PDZD7: variants seen among roughly 807,000 people sequenced by gnomAD.
The protein encoded by PDZD7 is PDZ domain-containing protein 7.
A neutral mutation model predicts 84.7 loss-of-function variants in PDZD7; 72 were observed. The ratio of observed to expected loss-of-function variants is 0.85; its 90% confidence interval spans 0.70 to 1.03. PDZD7 has a LOEUF of 1.03. PDZD7 is among the 50% of genes least tolerant of loss of function. The probability of loss-of-function intolerance (pLI) is 0.00; values close to 1 mark genes in which losing one functional copy is unlikely to be tolerated. For missense variants in PDZD7, 1,490 were observed against 1,412.9 expected (o/e 1.05, Z -0.87); for synonymous variants, 594 against 580.7 (o/e 1.02, Z -0.33).
At chr10:101,027,710 G>A (rs534583042) in intron 2 of PDZD7, among the ~76,000 whole-genome samples, 5 of 152,218 alleles carry the variant, frequency 3.3e-5, no homozygotes, top group African/African-American at 7.2e-5. Context: ...ATCCTTTGTC[G>A]TCGTTCGCTT....
intron 14 of PDZD7, chr10:101,011,197 A>C: frequency 1.8e-6 from 1 of 556,626 alleles, no homozygotes; most frequent in Non-Finnish European, 2.8e-6. Flanking sequence ...GTGCACCAAA[A>C]AGCCCAGGTC....
At chr10:101,019,793 T>C (rs1852972732) in intron 7 of PDZD7, among the ~76,000 whole-genome samples, 1 of 151,712 alleles carries the variant, frequency 6.6e-6, no homozygotes, top group Non-Finnish European at 1.5e-5. Flanking sequence ...ACCCAGCTAA[T>C]TTTTGTATTT....
In PDZD7 at chr10:101,023,968, C is replaced by T. The variant is rs1853277357; in HGVS notation, c.327G>A (p.Leu109=). ...FSVRGGSEHG[L]GIFVSKVEEG... ...CCTCCACTTTGCTGACGAAGATGCC[C>T]AGGCCATGCTCTGAGCCCCCGCGCA... The change falls in exon 3 of 17, where the codon CTG becomes CTA. Residue 109 remains leucine, a synonymous_variant. Transcript: ENST00000619208. 6 of 1,614,250 alleles carry T rather than the reference C, an allele frequency of 3.7e-6. No individual in the cohort carries two copies. The highest frequency in any genetic ancestry group is 5.1e-6 in the Non-Finnish European group (6 of 1,180,044).
chr10:101,022,604 T>C (rs1248716092), intron 4 of PDZD7, among the ~76,000 whole-genome samples: 2 of 151,938 alleles, frequency 1.3e-5, no homozygotes, highest in African/African-American at 4.8e-5. Context: ...TCCTTTTTTT[T>C]TTTTTTTTGA....
At chr10:101,011,822 A>G (rs993338102) in intron 13 of PDZD7, 61 bp from the exon 14 acceptor site, 16 of 1,550,322 alleles carry the variant, frequency 1.0e-5, no homozygotes, top group Non-Finnish European at 1.4e-5. Context: ...GGACGGAGGC[A>G]GCTCAAGGGG....
chr10:101,024,317 C>T (rs969893306), intron 2 of PDZD7, among the ~76,000 whole-genome samples: 2 of 152,132 alleles, frequency 1.3e-5, no homozygotes, highest in African/African-American at 4.8e-5. Flanking sequence ...GATCATGGCT[C>T]ACTGCAGCCA....
At position 101,008,690 on chromosome 10, in the gene PDZD7, T is replaced by A. The variant is rs892568577; in HGVS notation, c.2879A>T (p.Asp960Val). Reference sequence around the variant, plus strand: ...GCCCCCATCAGTAAGGGCTGATGAGTCAGAGGGTGAGGGCCGTGGGCTGGG... The same window carrying A: ...GCCCCCATCAGTAAGGGCTGATGAGACAGAGGGTGAGGGCCGTGGGCTGGG... Reference protein sequence around the residue: ...PGPSPRPSPSDSSALTDGGLP... With the variant: ...PGPSPRPSPSVSSALTDGGLP... The change falls in exon 17 of 17, where the codon GAC becomes GTC. Residue 960 changes from aspartate to valine, a missense_variant. By Grantham distance (152) the Asp-to-Val change is radical. Transcript: ENST00000619208. 1 of 1,535,718 alleles carries A rather than the reference T, an allele frequency of 6.5e-7. No individual in the cohort carries two copies. Among genetic ancestry groups the A allele is most frequent in the South Asian group, 1.2e-5 (1 of 84,036 alleles).
At chr10:101,008,973 G>T in intron 16 of PDZD7, 123 bp from the exon 17 acceptor site, 1 of 1,262,360 alleles carries the variant, frequency 7.9e-7, no homozygotes, top group Non-Finnish European at 1.1e-6. Context: ...CTGGGTGGAG[G>T]GGATGGACAA....
intron 6 of PDZD7, 61 bp downstream of exon 6, chr10:101,021,737 G>A: frequency 3.1e-6 from 5 of 1,610,222 alleles, no homozygotes; most frequent in East Asian, 2.2e-5. Flanking sequence ...TTAAGAACTA[G>A]GGTGGTCTGG....
In PDZD7 at chr10:101,023,740, G is replaced by C; in HGVS notation, c.368-130C>G. 3 of 1,416,234 alleles carry C rather than the reference G, an allele frequency of 2.1e-6. No homozygotes were observed. In the South Asian group the frequency reaches 3.6e-5, roughly 17 times the overall value. 87.7% of individuals were successfully genotyped at this position (1,416,234 alleles called of 1,614,324 possible). A position where few individuals can be genotyped will look rare whatever the true frequency, so the allele number is the denominator to read the frequency against. ...TGAGGATTGTCAGAGCAGGGGCTGA[G>C]TGTTCCCAGTGCCTAGGGATCTGTC... is the stretch of plus-strand genomic sequence containing the variant. On this transcript the variant is annotated intron_variant, in intron 3 of 16. Transcript: ENST00000619208.
chr10:101,010,887 G>C lies in PDZD7; in HGVS notation c.2006-4C>G. On this transcript the variant is annotated splice_polypyrimidine_tract_variant and splice_region_variant and intron_variant, in intron 14 of 16. Transcript: ENST00000619208. ...AGGTAGAAGCCTCCGCGGCTGTCTGGGGAAGAGCGCCAAGGTCAGCTGCCC... is the reference window on the plus strand; with the variant it reads ...AGGTAGAAGCCTCCGCGGCTGTCTGCGGAAGAGCGCCAAGGTCAGCTGCCC... 7.8e-6 allele frequency: 12 copies of C among 1,533,146 alleles called. No individual in the cohort carries two copies. The highest frequency in any genetic ancestry group is 1.0e-5 in the Non-Finnish European group (12 of 1,146,742). The allele number at this position is 1,533,146 out of a possible 1,614,324, so 95.0% of individuals were successfully genotyped here. A position where few individuals can be genotyped will look rare whatever the true frequency, so the allele number is the denominator to read the frequency against.
At chr10:101,010,224 C>T (rs778790667) in intron 15 of PDZD7, 48 bp downstream of exon 15, 29 of 1,477,060 alleles carry the variant, frequency 2.0e-5, no homozygotes, top group Non-Finnish European at 2.5e-5. Context: ...TTTCCTAGGC[C>T]CAGGCTTCCT....
At chr10:101,012,581 G>A (rs1564628764) in intron 11 of PDZD7, among the ~76,000 whole-genome samples, 1 of 44,544 alleles carries the variant, frequency 2.2e-5, no homozygotes, top group Non-Finnish European at 5.3e-5. Flanking sequence ...CCGTTTTACA[G>A]ATGCGGAAAC....
At chr10:101,011,016 C>T (rs888658985) in intron 14 of PDZD7, 133 bp from the exon 15 acceptor site, 2 of 1,479,404 alleles carry the variant, frequency 1.4e-6, no homozygotes, top group Admixed American at 2.3e-5. Context: ...GCCCACCCAC[C>T]GGGGAGGCAG....
intron 4 of PDZD7, among the ~76,000 whole-genome samples, chr10:101,022,600 T>TA (rs965398045): frequency 6.6e-6 from 1 of 151,306 alleles, no homozygotes; most frequent in African/African-American, 2.4e-5. Context: ...CCATTCCTTT[T>TA]TTTTTTTTTT....
At position 101,018,858 on chromosome 10, in the gene PDZD7, G is replaced by A; in HGVS notation, c.1288C>T (p.Pro430Ser). The A allele has an allele frequency of 6.2e-7, 1 of 1,603,536 alleles. No homozygotes were observed. Among genetic ancestry groups the A allele is most frequent in the Non-Finnish European group, 8.5e-7 (1 of 1,174,902 alleles). Residue 430 changes from proline to serine, a missense_variant, in exon 8 of 17, where the codon CCC becomes TCC. Transcript: ENST00000619208. ...LLLALSRPRP[P>S]ITRSQSYLTL... ...AGATAGCTCTGGGAGCGCGTGATGG[G>A]GGGCCGGGGTCGGCTGAGGGCCAGC...
chr10:101,011,207 C>A (rs1224556084), intron 14 of PDZD7: 8 of 540,640 alleles, frequency 1.5e-5, no homozygotes, highest in African/African-American at 9.8e-5. Flanking sequence ...AAGCCCAGGT[C>A]ATTTTTGTAT....
rs1590081374 is a variant in PDZD7, at chr10:101,030,181, G to T, written c.39C>A (p.Gly13=). 6.2e-7 allele frequency: 1 copy of T among 1,613,408 alleles called. No individual in the cohort carries two copies. Among genetic ancestry groups the T allele is most frequent in the Non-Finnish European group, 8.5e-7 (1 of 1,179,874 alleles). ...QGFAVGFDPL[G]LGDLSSGSLS... ...GAGAGCCGGAGCTCAGGTCTCCTAG[G>T]CCCAGTGGGTCGAAGCCCACTGCGA... The change falls in exon 2 of 17, where the codon GGC becomes GGA. Residue 13 remains glycine, a synonymous_variant. Transcript: ENST00000619208.
chr10:101,024,835 A>ATGTG (rs61697970), intron 2 of PDZD7, among the ~76,000 whole-genome samples: 108 of 148,330 alleles, frequency 7.3e-4, no homozygotes, highest in Admixed American at 1.1e-3. Context: ...CCTTCCTAAT[A>ATGTG]TGTGTGTGTG....
Sources: allele counts gnomAD v4.1 joint callset (sites outside exome capture counted in the v4.1 genomes callset), GRCh38; gene constraint gnomAD v4.1.1; transcripts MANE v1.5; gene names NCBI Gene and HGNC (gene_info 2026-07-23, HGNC 2026-07-21).